Variants in A2ML1 observed in about 807,000 individuals in gnomAD.
A2ML1 encodes the protein alpha-2-macroglobulin like 1.
A neutral mutation model predicts 181.9 loss-of-function variants in A2ML1; 161 were observed. That is an observed-to-expected ratio of 0.89 (90% CI 0.78 to 1.01). The LOEUF is 1.01. A2ML1 is among the 50% of genes least tolerant of loss of function. A2ML1 has a pLI of 0.00. For missense variants in A2ML1, 1,670 were observed against 1,768.1 expected, an observed-to-expected ratio of 0.94 and a Z score of 1.00; for synonymous variants, 663 against 666.8, an observed-to-expected ratio of 0.99 and a Z score of 0.09.
At chr12:8,884,228 T>A (rs1335308686) in intron 7 of A2ML1, among the ~76,000 whole-genome samples, 6 of 144,276 alleles carry the variant, frequency 4.2e-5, no homozygotes, top group African/African-American at 1.3e-4. Context: ...TTTTTTATTT[T>A]TTGTTTTTTT....
At chr12:8,878,167 G>A (rs1021357744), downstream of A2ML1, among the ~76,000 whole-genome samples, 4 of 152,172 alleles carry the variant, frequency 2.6e-5, no homozygotes, top group Non-Finnish European at 4.4e-5. The surrounding 1 kb of genome is among the most constrained non-coding windows in gnomAD (Gnocchi z 4.4). Context: ...GCAGGGTGTG[G>A]TGGCAGGTGC....
At chr12:8,848,361 A>G (rs1943772459) in intron 15 of A2ML1, among the ~76,000 whole-genome samples, 1 of 150,916 alleles carries the variant, frequency 6.6e-6, no homozygotes, top group Non-Finnish European at 1.5e-5. Context: ...CATGCCTGTA[A>G]TCCCAACTAC....
At chr12:8,855,329 C>T (rs12318927) in intron 22 of A2ML1, among the ~76,000 whole-genome samples, 180 bp from the exon 23 acceptor site, 1,630 of 152,288 alleles carry the variant, frequency 0.011, 29 homozygotes, top group African/African-American at 0.037. Context: ...GATGATGACT[C>T]TCTGTGGAAT....
intron 10 of A2ML1, 149 bp downstream of exon 10, chr12:8,839,371 C>G (rs1943392302): frequency 5.5e-6 from 3 of 548,140 alleles, no homozygotes; most frequent in South Asian, 4.2e-5. Context: ...TGCAATGAGG[C>G]AGGCACTGTA....
intron 7 of A2ML1, among the ~76,000 whole-genome samples, chr12:8,884,895 TACC>T (rs1301782588): frequency 6.6e-6 from 1 of 152,246 alleles, no homozygotes; most frequent in Non-Finnish European, 1.5e-5. Flanking sequence ...GGTTTATATG[TACC>T]ACATTTTCTT....
rs371117844 is a variant in A2ML1, at chr12:8,857,999, T to C, written c.3161T>C (p.Ile1054Thr). The change falls in exon 26 of 36, where the codon ATT (isoleucine) becomes ACT (threonine). Residue 1054 changes from isoleucine (I) to threonine (T), a missense_variant. Ile to Thr is a moderately conservative substitution (Grantham distance 89, BLOSUM62 -1). Coordinates refer to ENST00000299698, the MANE Select transcript of A2ML1 (RefSeq NM_144670.6). ...CFGQAQKFIF[I>T]DPKNIQDALK... The stretch of plus-strand genomic sequence containing the variant: ...GGCCAAGCTCAGAAATTCATCTTCA[T>C]TGATCCCAAGAACATCCAGGATGCT... 3.0e-5 allele frequency: 48 copies of C among 1,614,044 alleles called. No individual in the cohort carries two copies. Among genetic ancestry groups the C allele is most frequent in the African/African-American group, 5.3e-5 (4 of 74,898 alleles).
In A2ML1 at chr12:8,848,928, C is replaced by T. The variant is rs759037445; in HGVS notation, c.2028+14C>T. The stretch of plus-strand genomic sequence containing the variant: ...AGCTTTTTCCGGGTAGGTCTTCTTA[C>T]CCATTTTGTTCTTATGGGAAAGATG... On this transcript the variant is annotated intron_variant, in intron 16 of 35. Coordinates refer to ENST00000299698, the MANE Select transcript of A2ML1 (RefSeq NM_144670.6). The T allele has an allele frequency of 1.7e-5, 28 of 1,605,418 alleles. No homozygotes were observed. The highest frequency in any genetic ancestry group is 2.3e-5 in the Non-Finnish European group (27 of 1,176,768).
chr12:8,823,134 G>T, intron 1 of A2ML1, 48 bp from the exon 2 acceptor site: 1 of 1,574,600 alleles, frequency 6.4e-7, no homozygotes. Flanking sequence ...TGGATTTTTC[G>T]AGTGAATGAA....
At position 8,874,821 on chromosome 12, in the gene A2ML1, T is replaced by C. The variant is rs759458073; in HGVS notation, c.4325-150T>C. ...AATAGTTTGTCACAATGTACAAATA[T>C]TAGTGATTGAAACTTTCTTGTAATT... On this transcript the variant is annotated intron_variant, in intron 34 of 35. Transcript: ENST00000299698. 5.4e-5 allele frequency: 38 copies of C among 708,946 alleles called. No individual in the cohort carries two copies. The African/African-American group carries it at 6.5e-4, about 12-fold the overall frequency. 43.9% of individuals were successfully genotyped at this position (708,946 alleles called of 1,614,324 possible). A position where few individuals can be genotyped will look rare whatever the true frequency, so the allele number is the denominator to read the frequency against.
intron 7 of A2ML1, among the ~76,000 whole-genome samples, chr12:8,883,896 C>T (rs1944893302): frequency 6.6e-6 from 1 of 152,088 alleles, no homozygotes; most frequent in Non-Finnish European, 1.5e-5. Context: ...AGCGATTCTC[C>T]CGCCTCAGCC....
intron 34 of A2ML1, 24 bp from the exon 35 acceptor site, chr12:8,874,947 A>C: frequency 6.2e-7 from 1 of 1,613,640 alleles, no homozygotes; most frequent in Non-Finnish European, 8.5e-7. Flanking sequence ...TCAAAGTAAT[A>C]ATATGACTTA....
intron 22 of A2ML1, 142 bp from the exon 23 acceptor site, chr12:8,855,367 G>A: frequency 1.4e-6 from 1 of 691,942 alleles, no homozygotes; most frequent in Admixed American, 2.5e-5. Context: ...ACTATGAATA[G>A]TACCCAGTGC....
At chr12:8,884,255 T>TTTTTA in intron 7 of A2ML1, among the ~76,000 whole-genome samples, 1 of 148,992 alleles carries the variant, frequency 6.7e-6, no homozygotes, top group Non-Finnish European at 1.5e-5. Context: ...TGTTTTTTTT[T>TTTTTA]AACTATTTTC....
At chr12:8,875,141 C>A in intron 35 of A2ML1, 129 bp downstream of exon 35, 2 of 973,912 alleles carry the variant, frequency 2.1e-6, no homozygotes, top group Non-Finnish European at 3.1e-6. Context: ...GGCTGGAGGG[C>A]AGTGGCGGAG....
Position 8,848,869 on chromosome 12 carries a change from G to C in A2ML1, c.1983G>C (p.Trp661Cys). The change falls in exon 16 of 36, where the codon TGG (tryptophan) becomes TGC (cysteine). Residue 661 changes from tryptophan to cysteine, a missense_variant. By Grantham distance (215) the Trp-to-Cys change is radical. Coordinates refer to ENST00000299698, the MANE Select transcript of A2ML1 (RefSeq NM_144670.6). ...ATTCGAGCCAGCGTTCCATTATCTGGAGGCCCTCGTTCTCTGAAGGCACGG... is the reference window on the plus strand; with the variant it reads ...ATTCGAGCCAGCGTTCCATTATCTGCAGGCCCTCGTTCTCTGAAGGCACGG... The part of the protein sequence containing the change: ...QGHSSQRSII[W>C]RPSFSEGTDL... 6.2e-7 allele frequency: 1 copy of C among 1,614,110 alleles called. No homozygotes were observed. Among genetic ancestry groups the C allele is most frequent in the Non-Finnish European group, 8.5e-7 (1 of 1,180,014 alleles).
intron 4 of A2ML1, among the ~76,000 whole-genome samples, chr12:8,831,307 G>T (rs1197298660): frequency 2.0e-5 from 3 of 152,122 alleles, no homozygotes; most frequent in Non-Finnish European, 4.4e-5. Flanking sequence ...AGGAAGTGCT[G>T]GGTTCAAAGC....
intron 34 of A2ML1, 133 bp downstream of exon 34, chr12:8,874,660 T>C (rs1944744290): frequency 2.9e-6 from 2 of 700,934 alleles, no homozygotes; most frequent in South Asian, 3.8e-5. Flanking sequence ...ATAATTAAAT[T>C]ATCTAATCTC....
intron 3 of A2ML1, among the ~76,000 whole-genome samples, chr12:8,826,086 C>T (rs777667695): frequency 5.3e-4 from 81 of 152,006 alleles, no homozygotes; most frequent in Non-Finnish European, 1.0e-3. Flanking sequence ...TTTTATGGTT[C>T]CATAAAAATT....
chr12:8,854,944 G>C (rs1265092192), intron 22 of A2ML1, 113 bp downstream of exon 22: 1 of 1,155,290 alleles, frequency 8.7e-7, no homozygotes, highest in Non-Finnish European at 1.2e-6. Context: ...GTCCAGGCTG[G>C]ATTGCAGTGG....
Sources: allele counts gnomAD v4.1 joint callset (sites outside exome capture counted in the v4.1 genomes callset), GRCh38; gene constraint gnomAD v4.1.1; non-coding constraint Gnocchi (gnomAD v3.1); transcripts MANE v1.5; gene names NCBI Gene and HGNC (gene_info 2026-07-23, HGNC 2026-07-21).